Variants in GPHN observed in about 807,000 individuals in gnomAD.
GPHN encodes gephyrin.
In GPHN, 17 loss-of-function variants were observed where a neutral mutation model predicts 95.5. The ratio of observed to expected loss-of-function variants is 0.18; its 90% CI spans 0.12 to 0.27. The LOEUF (loss-of-function observed/expected upper bound fraction) is 0.27, where lower values mean the gene tolerates loss of function less well. Among genes scored for constraint, GPHN ranks in the 10% least tolerant of loss-of-function variants. The probability of loss-of-function intolerance (pLI) is 1.00; values close to 1 mark genes in which losing one functional copy is unlikely to be tolerated. For synonymous variants in GPHN, 320 were observed against 322.5 expected, an observed-to-expected ratio of 0.99 and a Z score of 0.08; for missense variants, 660 against 978.1, an observed-to-expected ratio of 0.67 and a Z score of 4.34.
the GPHN span, chr14:67,572,280 G>A: frequency 7.5e-6 from 12 of 1,592,874 alleles, no homozygotes; most frequent in South Asian, 1.1e-5. Flanking sequence ...TGGGCGGGGT[G>A]AGCCGGGAAA....
At chr14:67,081,972 C>T (rs543798077) in intron 11 of GPHN, among the ~76,000 whole-genome samples, 1 of 152,206 alleles carries the variant, frequency 6.6e-6, no homozygotes, top group East Asian at 1.9e-4. Context: ...TATTTTTATA[C>T]CAGTACCATG....
intron 3 of GPHN, among the ~76,000 whole-genome samples, chr14:66,809,040 G>C (rs1001192882): frequency 6.6e-6 from 1 of 152,174 alleles, no homozygotes; most frequent in Non-Finnish European, 1.5e-5. Flanking sequence ...AGGTAAGTTA[G>C]GTTGGAGTCA....
At chr14:67,694,465 C>CACACAT in the GPHN span, among the ~76,000 whole-genome samples, 1 of 103,096 alleles carries the variant, frequency 9.7e-6, no homozygotes, top group African/African-American at 2.9e-5. Context: ...CACACACACA[C>CACACAT]ATATATATAT....
the GPHN span, chr14:67,196,939 T>A: frequency 6.6e-6 from 1 of 152,194 alleles, no homozygotes; most frequent in Non-Finnish European, 1.5e-5. Flanking sequence ...TGCTTTTTTT[T>A]TCTTTTTGAG....
At chr14:67,661,337 A>AG in the GPHN span, among the ~76,000 whole-genome samples, 2 of 150,816 alleles carry the variant, frequency 1.3e-5, no homozygotes, top group Non-Finnish European at 3.0e-5. Flanking sequence ...GGTGAAGAGA[A>AG]GCAGTTGTTA....
the GPHN span, among the ~76,000 whole-genome samples, chr14:67,274,047 G>A: frequency 3.3e-5 from 5 of 152,100 alleles, no homozygotes; most frequent in South Asian, 6.2e-4. Context: ...GGTAGACGGT[G>A]AAAATTTTCT....
At chr14:67,031,365 C>T in intron 10 of GPHN, among the ~76,000 whole-genome samples, 1 of 152,170 alleles carries the variant, frequency 6.6e-6, no homozygotes, top group East Asian at 1.9e-4. Context: ...TCTCTTGCTG[C>T]AACCTAATCC....
chr14:67,486,014 G>C, the GPHN span, among the ~76,000 whole-genome samples: 1 of 152,228 alleles, frequency 6.6e-6, no homozygotes, highest in Admixed American at 6.5e-5. Context: ...GCAGAGTCCA[G>C]TCCCAGGTGA....
intron 2 of GPHN, among the ~76,000 whole-genome samples, chr14:66,717,365 A>T (rs187733252): frequency 2.6e-4 from 40 of 151,948 alleles, no homozygotes; most frequent in Non-Finnish European, 8.8e-5. Flanking sequence ...TTTTTTATTT[A>T]TGCTGTCTAT....
intron 9 of GPHN, among the ~76,000 whole-genome samples, chr14:66,966,720 T>G (rs2069353084): frequency 6.6e-6 from 1 of 152,054 alleles, no homozygotes; most frequent in Non-Finnish European, 1.5e-5. Flanking sequence ...TTTTGTTCAC[T>G]GAATATTAAG....
chr14:67,091,176 T>G (rs988750314), intron 12 of GPHN, among the ~76,000 whole-genome samples: 1 of 151,972 alleles, frequency 6.6e-6, no homozygotes, highest in African/African-American at 2.4e-5. Context: ...CTCAGGAAGA[T>G]TATCTTGGAT....
At chr14:66,544,301 C>G (rs911753176) in intron 1 of GPHN, among the ~76,000 whole-genome samples, 3 of 152,236 alleles carry the variant, frequency 2.0e-5, no homozygotes, top group South Asian at 2.1e-4. Flanking sequence ...CTCCTTTTCA[C>G]ATACACCCTT....
chr14:67,295,829 A>G, the GPHN span, among the ~76,000 whole-genome samples: 1 of 152,224 alleles, frequency 6.6e-6, no homozygotes, highest in African/African-American at 2.4e-5. Context: ...ATGTACCTAT[A>G]TACTGTGACC....
intron 8 of GPHN, among the ~76,000 whole-genome samples, chr14:66,930,003 G>A (rs763898996): frequency 2.6e-4 from 40 of 152,162 alleles, no homozygotes; most frequent in African/African-American, 7.9e-4. Context: ...GAGCCACCGC[G>A]CCCGGCCGTC....
At chr14:66,582,688 T>A (rs1379320873) in intron 1 of GPHN, among the ~76,000 whole-genome samples, 2 of 152,118 alleles carry the variant, frequency 1.3e-5, no homozygotes, top group Non-Finnish European at 2.9e-5. Context: ...TCCAGCTTCA[T>A]CCATGTCCCT....
At chr14:66,751,007 C>CT (rs886748230) in intron 2 of GPHN, among the ~76,000 whole-genome samples, 7 of 150,462 alleles carry the variant, frequency 4.7e-5, no homozygotes, top group South Asian at 2.1e-4. Context: ...TTATAGCATT[C>CT]TTTTTTTTTA....
At chr14:67,600,236 C>A in the GPHN span, 2 of 1,507,354 alleles carry the variant, frequency 1.3e-6, no homozygotes, top group Non-Finnish European at 1.8e-6. Context: ...CACCGCGCGG[C>A]GCTGCACTGC....
At chr14:67,732,734 A>G in the GPHN span, among the ~76,000 whole-genome samples, 11 of 151,822 alleles carry the variant, frequency 7.2e-5, no homozygotes, top group Admixed American at 1.3e-4. Flanking sequence ...CCACCACCAC[A>G]CCCGGCTAAT....
At chr14:66,778,836 A>G (rs891610116) in intron 3 of GPHN, among the ~76,000 whole-genome samples, 1 of 146,546 alleles carries the variant, frequency 6.8e-6, no homozygotes, top group Admixed American at 7.1e-5. Flanking sequence ...CCTGGGTTCA[A>G]GTGATTTTCC....
Sources: allele counts gnomAD v4.1 joint callset (sites outside exome capture counted in the v4.1 genomes callset), GRCh38; gene constraint gnomAD v4.1.1; transcripts MANE v1.5; gene names NCBI Gene and HGNC (gene_info 2026-07-23, HGNC 2026-07-21).